Variants in ADRA1A observed in about 807,000 individuals in gnomAD.
ADRA1A encodes alpha-1A adrenergic receptor.
Under a neutral mutation model 29.6 loss-of-function variants are expected in ADRA1A, and 31 were observed. The ratio of observed to expected loss-of-function variants is 1.05; its 90% confidence interval spans 0.79 to 1.41. The LOEUF (loss-of-function observed/expected upper bound fraction) is 1.41, where lower values mean the gene tolerates loss of function less well. Among genes scored for constraint, ADRA1A ranks in the 40% most tolerant of loss-of-function variants. ADRA1A has a pLI of 0.00. For synonymous variants in ADRA1A, 311 were observed against 254.3 expected, an observed-to-expected ratio of 1.22 and a Z score of -2.12; for missense variants, 619 against 601.1, an observed-to-expected ratio of 1.03 and a Z score of -0.31.
rs1394591465 is a variant in ADRA1A at position 26,859,232 on chromosome 8, T to C, written c.883+4855A>G. 3.3e-6 allele frequency: 4 copies of C among 1,230,404 alleles called. No individual in the cohort carries two copies. The South Asian group carries it at 5.2e-5, about 16-fold the overall frequency. 76.2% of individuals were successfully genotyped at this position (1,230,404 alleles called of 1,614,324 possible). On this transcript the variant is annotated intron_variant, in intron 2 of 2. Transcript: ENST00000380573. ...TTGAATATAATAATATGATAGTATA[T>C]TTATTCTTCTGCTCACATTTTGCAT...
At chr8:26,844,102 A>G (rs1320179116) in intron 2 of ADRA1A, among the ~76,000 whole-genome samples, 1 of 152,196 alleles carries the variant, frequency 6.6e-6, no homozygotes, top group Non-Finnish European at 1.5e-5. Context: ...GATTTTATAA[A>G]GGTCATCTGG....
intron 2 of ADRA1A, among the ~76,000 whole-genome samples, chr8:26,836,878 T>C (rs968830025): frequency 6.6e-6 from 1 of 152,128 alleles, no homozygotes; most frequent in African/African-American, 2.4e-5. Context: ...GGGGAGTGCT[T>C]AGGTCCCTTC....
chr8:26,790,546 T>C (rs888177897), intron 2 of ADRA1A, among the ~76,000 whole-genome samples: 8 of 152,166 alleles, frequency 5.3e-5, no homozygotes, highest in African/African-American at 1.9e-4. Flanking sequence ...TCTATAGCAC[T>C]ATAAGATGAC....
At chr8:26,781,782 G>C (rs1371376957) in intron 2 of ADRA1A, among the ~76,000 whole-genome samples, 1 of 152,212 alleles carries the variant, frequency 6.6e-6, no homozygotes, top group Non-Finnish European at 1.5e-5. Flanking sequence ...CACATCTGAA[G>C]CAGTGACACA....
At position 26,769,499 on chromosome 8, in the gene ADRA1A, T is replaced by C. The variant is rs1025832402; in HGVS notation, c.*650A>G. 1.0e-6 allele frequency: 1 copy of C among 985,296 alleles called. No individual in the cohort carries two copies. The highest frequency in any genetic ancestry group is 6.2e-5 in the Admixed American group (1 of 16,260). 61.0% of individuals were successfully genotyped at this position (985,296 alleles called of 1,614,324 possible). On this transcript the variant is annotated 3_prime_UTR_variant, in exon 3 of 3. Coordinates refer to ENST00000380573, the MANE Select transcript of ADRA1A (RefSeq NM_000680.4). Reference sequence around the variant, plus strand: ...ATAGAGAACACTACATTCCAAGACATCATGAGTGCCCCTCACTCTCATCTT... The same window carrying C: ...ATAGAGAACACTACATTCCAAGACACCATGAGTGCCCCTCACTCTCATCTT...
rs1280732629 is a variant in ADRA1A, at chr8:26,841,356, C to T, written c.883+22731G>A. 6.6e-6 allele frequency among the ~76,000 whole-genome samples: 1 copy of T among 152,124 alleles called. No homozygotes were observed. Among genetic ancestry groups the T allele is most frequent in the African/African-American group, 2.4e-5 (1 of 41,408 alleles). On this transcript the variant is annotated intron_variant, in intron 2 of 2. Coordinates refer to ENST00000380573, the MANE Select transcript of ADRA1A (RefSeq NM_000680.4). The surrounding 1 kb of genome is among the most constrained non-coding windows in gnomAD (Gnocchi z 4.4). The stretch of plus-strand genomic sequence containing the variant: ...TTCCTTTACCACCCACTGTCTGAGC[C>T]ACCAAAGCCTACCCCACCCTTGCAC...
intron 2 of ADRA1A, among the ~76,000 whole-genome samples, chr8:26,829,979 G>A (rs1378102626): frequency 7.0e-6 from 1 of 142,086 alleles, no homozygotes; most frequent in African/African-American, 2.5e-5. Context: ...GGTGGGTGGG[G>A]AAGGATTGTG....
chr8:26,756,759 T>C (rs1440415612), exon 3 of ADRA1A: 4 of 1,614,158 alleles, frequency 2.5e-6, no homozygotes, highest in South Asian at 1.1e-5. Context: ...GAAGCTGGCT[T>C]CATGTCATGG....
chr8:26,783,264 G>A (rs1489282030), intron 2 of ADRA1A, among the ~76,000 whole-genome samples: 1 of 152,170 alleles, frequency 6.6e-6, no homozygotes, highest in East Asian at 1.9e-4. Context: ...GGCTGGATAA[G>A]TAGGTAGTAG....
chr8:26,835,015 A>G (rs768851263), intron 2 of ADRA1A, among the ~76,000 whole-genome samples: 20 of 152,350 alleles, frequency 1.3e-4, no homozygotes, highest in Admixed American at 5.2e-4. Context: ...AATTAAAAAG[A>G]AAGCCAATGT....
downstream of ADRA1A, among the ~76,000 whole-genome samples, chr8:26,755,194 CT>C (rs34376542): frequency 4.1e-3 from 595 of 145,530 alleles, 8 homozygotes; most frequent in Admixed American, 0.025. Flanking sequence ...AATAGACCTC[CT>C]TTTTTTTTTT....
chr8:26,826,391 A>C (rs1279301996), intron 2 of ADRA1A, among the ~76,000 whole-genome samples: 11 of 152,176 alleles, frequency 7.2e-5, no homozygotes, highest in Admixed American at 2.6e-4. Flanking sequence ...TCACATTATG[A>C]CTTTTATGGC....
chr8:26,790,371 C>T (rs1381640132), intron 2 of ADRA1A, among the ~76,000 whole-genome samples: 2 of 152,020 alleles, frequency 1.3e-5, no homozygotes, highest in African/African-American at 4.8e-5. Context: ...AGATAAATAC[C>T]ACATGTTCTC....
intron 2 of ADRA1A, among the ~76,000 whole-genome samples, chr8:26,816,929 A>T (rs1456029668): frequency 6.6e-6 from 1 of 152,202 alleles, no homozygotes; most frequent in Non-Finnish European, 1.5e-5. Flanking sequence ...TCTAGAAGAA[A>T]ATGTAGTAGA....
chr8:26,782,668 C>G (rs10103303), intron 2 of ADRA1A, among the ~76,000 whole-genome samples: 20,808 of 152,084 alleles, frequency 0.14, 1,477 homozygotes, highest in Middle Eastern at 0.24. Context: ...GTCAGGGCAG[C>G]TCATTCATTT....
rs762977901 is a variant in ADRA1A at position 26,796,610 on chromosome 8, G to T, written c.884-25944C>A. On this transcript the variant is annotated intron_variant, in intron 2 of 2. Coordinates refer to ENST00000380573, the MANE Select transcript of ADRA1A (RefSeq NM_000680.4). The surrounding 1 kb of genome is among the most constrained non-coding windows in gnomAD (Gnocchi z 5.0). ...GGACAAATGTATCCTACACGTGGCC[G>T]CAGAGAACAGACACCATGGGGACAT... Among the ~76,000 whole-genome samples, 8 of 152,080 alleles carry T rather than the reference G, an allele frequency of 5.3e-5. No homozygotes were observed. The highest frequency in any genetic ancestry group is 1.0e-4 in the Non-Finnish European group (7 of 68,012).
chr8:26,788,141 A>G (rs1358305383), intron 2 of ADRA1A, among the ~76,000 whole-genome samples: 1 of 152,140 alleles, frequency 6.6e-6, no homozygotes, highest in Non-Finnish European at 1.5e-5. Flanking sequence ...CATTTCTTGC[A>G]TAGCCTGTTG....
chr8:26,844,399 T>C (rs1812050723), intron 2 of ADRA1A, among the ~76,000 whole-genome samples: 1 of 152,228 alleles, frequency 6.6e-6, no homozygotes, highest in African/African-American at 2.4e-5. Context: ...GTAGTCTTTT[T>C]GAAAGTTTCT....
chr8:26,864,146 C>A lies in ADRA1A; in HGVS notation c.824G>T (p.Gly275Val). 1 of 1,614,148 alleles carries A rather than the reference C, an allele frequency of 6.2e-7. No homozygotes were observed. The highest frequency in any genetic ancestry group is 8.5e-7 in the Non-Finnish European group (1 of 1,180,032). The change falls in exon 2 of 3, where the codon GGC becomes GTC. Residue 275 changes from glycine (G) to valine (V), a missense_variant. Gly to Val is a moderately radical substitution (Grantham distance 109). Coordinates refer to ENST00000380573, the MANE Select transcript of ADRA1A (RefSeq NM_000680.4). The surrounding 1 kb of genome is among the most constrained non-coding windows in gnomAD (Gnocchi z 8.1). ...SREKKAAKTL[G>V]IVVGCFVLCW... ...GAGGACGAAGCAGCCGACCACGATG[C>A]CCAGCGTTTTGGCCGCTTTCTTCTC...
Sources: gnomAD v4.1 joint callset for allele counts (sites outside exome capture counted in the v4.1 genomes callset) on GRCh38, gnomAD v4.1.1 for gene constraint, Gnocchi (gnomAD v3.1) non-coding constraint, MANE v1.5 for transcripts, NCBI Gene and HGNC (gene_info 2026-07-23, HGNC 2026-07-21) for gene names.